Variants in HERPUD2 observed in about 807,000 individuals in gnomAD.
The protein encoded by HERPUD2 is HERPUD family member 2.
In HERPUD2, 13 loss-of-function variants were observed where a neutral mutation model predicts 49.9. That is an observed-to-expected ratio of 0.26 (90% confidence interval 0.17 to 0.41). The LOEUF is 0.41. Among genes scored for constraint, HERPUD2 ranks in the 10% least tolerant of loss-of-function variants. The pLI is 1.00. For missense variants in HERPUD2, 449 were observed against 492.2 expected, an observed-to-expected ratio of 0.91 and a Z score of 0.83; for synonymous variants, 172 against 171.4, an observed-to-expected ratio of 1.00 and a Z score of -0.03.
At chr7:35,692,219 G>T (rs565786589) in intron 2 of HERPUD2, among the ~76,000 whole-genome samples, 1 of 152,180 alleles carries the variant, frequency 6.6e-6, no homozygotes, top group Non-Finnish European at 1.5e-5. Flanking sequence ...CTCCACTAGT[G>T]ATCAGTGCTG....
At chr7:35,648,397 C>T (rs1785095097) in intron 5 of HERPUD2, among the ~76,000 whole-genome samples, 1 of 152,154 alleles carries the variant, frequency 6.6e-6, no homozygotes, top group African/African-American at 2.4e-5. Context: ...CTGGTTTACG[C>T]TGGCTTACCT....
chr7:35,687,806 T>C (rs1786097107), intron 2 of HERPUD2, among the ~76,000 whole-genome samples: 1 of 152,212 alleles, frequency 6.6e-6, no homozygotes, highest in African/African-American at 2.4e-5. Context: ...GTCTGATAAA[T>C]GGGTTTAAAG....
chr7:35,667,291 C>T, intron 5 of HERPUD2, 143 bp downstream of exon 5: 2 of 743,886 alleles, frequency 2.7e-6, no homozygotes, highest in African/African-American at 1.8e-5. Flanking sequence ...TCTTAACCCT[C>T]TAGTTCTCAA....
chr7:35,633,568 GA>G lies in HERPUD2; in HGVS notation c.*121del, dbSNP rs928242372. Reference sequence around the variant, plus strand: ...TATTCATATGCATGAGAAGCCTAAAGAAAAAAAACACCTCTGTACATGATGA... The same window carrying G: ...TATTCATATGCATGAGAAGCCTAAAGAAAAAAACACCTCTGTACATGATGA... On this transcript the variant is annotated 3_prime_UTR_variant, in exon 9 of 9. Coordinates refer to ENST00000311350, the MANE Select transcript of HERPUD2 (RefSeq NM_022373.5). 7.3e-6 allele frequency: 5 copies of G among 681,960 alleles called. No individual in the cohort carries two copies. The highest frequency in any genetic ancestry group is 3.2e-5 in the South Asian group (1 of 30,990). 42.2% of individuals were successfully genotyped at this position (681,960 alleles called of 1,614,324 possible). A position where few individuals can be genotyped will look rare whatever the true frequency, so the allele number is the denominator to read the frequency against.
At chr7:35,660,248 G>C (rs1785384141) in intron 5 of HERPUD2, among the ~76,000 whole-genome samples, 1 of 152,170 alleles carries the variant, frequency 6.6e-6, no homozygotes. Flanking sequence ...TGGTGTATAT[G>C]TGCCACATTT....
chr7:35,664,786 T>C (rs947872668), intron 5 of HERPUD2, among the ~76,000 whole-genome samples: 1 of 152,326 alleles, frequency 6.6e-6, no homozygotes, highest in Non-Finnish European at 1.5e-5. Flanking sequence ...TCGTTAGCCA[T>C]TTGTCTACTC....
At chr7:35,657,934 GA>G (rs1246372759) in intron 5 of HERPUD2, among the ~76,000 whole-genome samples, 1 of 149,356 alleles carries the variant, frequency 6.7e-6, no homozygotes, top group South Asian at 2.1e-4. Context: ...AAAAAAAAAA[GA>G]AAAAAACCAC....
rs1478985735 is a variant in HERPUD2 at position 35,632,673 on chromosome 7, CTTT to C, written c.*1014_*1016del. ...CCATAAAACTGTTTACCATAATTGA[CTTT>C]TTATTTAAAAAATTACACGGAGCAA... On this transcript the variant is annotated 3_prime_UTR_variant, in exon 9 of 9. Coordinates refer to ENST00000311350, the MANE Select transcript of HERPUD2 (RefSeq NM_022373.5). The C allele has an allele frequency of 6.6e-6, 1 of 152,482 alleles. No homozygotes were observed. Among genetic ancestry groups the C allele is most frequent in the African/African-American group, 2.4e-5 (1 of 41,412 alleles). 9.4% of individuals were successfully genotyped at this position (152,482 alleles called of 1,614,324 possible).
intron 2 of HERPUD2, among the ~76,000 whole-genome samples, chr7:35,688,377 G>T (rs1016401442): frequency 2.0e-5 from 3 of 152,116 alleles, no homozygotes; most frequent in African/African-American, 7.2e-5. Context: ...AATGTTCTCT[G>T]GAACTCCAAA....
intron 5 of HERPUD2, among the ~76,000 whole-genome samples, chr7:35,651,445 C>T (rs989453761): frequency 2.6e-5 from 4 of 152,166 alleles, no homozygotes; most frequent in African/African-American, 9.7e-5. Flanking sequence ...AAACCACACC[C>T]TAAGACACTG....
chr7:35,674,963 G>A (rs1411784421), intron 2 of HERPUD2, among the ~76,000 whole-genome samples: 1 of 152,066 alleles, frequency 6.6e-6, no homozygotes, highest in Non-Finnish European at 1.5e-5. Flanking sequence ...ATGTTTCCTT[G>A]AGTTCTGTGA....
intron 5 of HERPUD2, among the ~76,000 whole-genome samples, chr7:35,651,093 C>T (rs961106816): frequency 1.4e-4 from 21 of 152,198 alleles, no homozygotes; most frequent in Non-Finnish European, 2.5e-4. Context: ...ACTGGCCCAC[C>T]CAACCCATTG....
At chr7:35,653,842 T>C (rs1035499361) in intron 5 of HERPUD2, among the ~76,000 whole-genome samples, 3 of 151,972 alleles carry the variant, frequency 2.0e-5, no homozygotes. Flanking sequence ...AAGGAGGAGA[T>C]AAAAAATGTT....
intron 5 of HERPUD2, among the ~76,000 whole-genome samples, chr7:35,658,262 T>C (rs1215018157): frequency 1.3e-5 from 2 of 152,210 alleles, no homozygotes; most frequent in Non-Finnish European, 1.5e-5. Flanking sequence ...CACTCATATA[T>C]GGAAGCTAAG....
At chr7:35,663,882 A>T (rs141663317) in intron 5 of HERPUD2, among the ~76,000 whole-genome samples, 1 of 152,128 alleles carries the variant, frequency 6.6e-6, no homozygotes, top group Non-Finnish European at 1.5e-5. Context: ...TGGAGCATTT[A>T]GCCCATTTAC....
At chr7:35,669,576 T>C (rs1785604344) in intron 4 of HERPUD2, among the ~76,000 whole-genome samples, 1 of 152,192 alleles carries the variant, frequency 6.6e-6, no homozygotes, top group African/African-American at 2.4e-5. Flanking sequence ...TTGGGGACAA[T>C]GTTTTTGAAA....
intron 5 of HERPUD2, among the ~76,000 whole-genome samples, chr7:35,660,104 A>C (rs1785379026): frequency 6.6e-6 from 1 of 151,916 alleles, no homozygotes; most frequent in Non-Finnish European, 1.5e-5. Context: ...TTCAGTTCCC[A>C]CCTATGAGTG....
At chr7:35,656,671 A>G (rs1442791074) in intron 5 of HERPUD2, among the ~76,000 whole-genome samples, 5 of 152,206 alleles carry the variant, frequency 3.3e-5, no homozygotes, top group African/African-American at 1.2e-4. Context: ...AGGTAGTTAC[A>G]ACTAACTGAT....
At chr7:35,661,656 C>T (rs1785424747) in intron 5 of HERPUD2, among the ~76,000 whole-genome samples, 2 of 152,112 alleles carry the variant, frequency 1.3e-5, no homozygotes, top group Admixed American at 1.3e-4. Flanking sequence ...GGAGTTCACT[C>T]ATGATTTGGC....
Sources: allele counts gnomAD v4.1 joint callset (sites outside exome capture counted in the v4.1 genomes callset), GRCh38; gene constraint gnomAD v4.1.1; transcripts MANE v1.5; gene names NCBI Gene and HGNC (gene_info 2026-07-23, HGNC 2026-07-21).